RPS6KC1: variants seen among roughly 807,000 people sequenced by gnomAD.
RPS6KC1 encodes ribosomal protein S6 kinase C1, also known as inactive ribosomal protein S6 kinase delta-1.
RPS6KC1 carries 54 observed loss-of-function variants against 103.8 expected under a neutral mutation model. That is an observed-to-expected ratio of 0.52 (90% confidence interval 0.42 to 0.65). RPS6KC1 has a LOEUF of 0.65. Among genes scored for constraint, RPS6KC1 ranks in the 30% least tolerant of loss-of-function variants. The pLI is 0.00. For missense variants in RPS6KC1, 1,151 were observed against 1,253.8 expected, an observed-to-expected ratio of 0.92 and a Z score of 1.24; for synonymous variants, 439 against 438.7, an observed-to-expected ratio of 1.00 and a Z score of -0.01.
chr1:213,822,643 T>C, the RPS6KC1 span, among the ~76,000 whole-genome samples: 1 of 152,274 alleles, frequency 6.6e-6, no homozygotes, highest in Admixed American at 6.5e-5. Context: ...GCCAAGTTTG[T>C]TCCTCTCCCA....
At chr1:213,668,129 G>A in the RPS6KC1 span, among the ~76,000 whole-genome samples, 1 of 152,152 alleles carries the variant, frequency 6.6e-6, no homozygotes, top group Non-Finnish European at 1.5e-5. Flanking sequence ...GTCCTTAATG[G>A]CATCTAACAT....
At chr1:213,647,255 T>C in the RPS6KC1 span, among the ~76,000 whole-genome samples, 1 of 152,164 alleles carries the variant, frequency 6.6e-6, no homozygotes, top group Non-Finnish European at 1.5e-5. Flanking sequence ...GAGGTTGACT[T>C]TACTTACTTA....
At chr1:213,537,276 G>A in the RPS6KC1 span, among the ~76,000 whole-genome samples, 665 of 152,252 alleles carry the variant, frequency 4.4e-3, 2 homozygotes, top group Non-Finnish European at 6.8e-3. Context: ...ACATTTTCAG[G>A]TGGGAGTCTG....
intron 6 of RPS6KC1, among the ~76,000 whole-genome samples, chr1:213,144,826 C>T (rs1481720877): frequency 1.3e-5 from 2 of 152,050 alleles, no homozygotes; most frequent in South Asian, 4.2e-4. Context: ...CCTGTAATCC[C>T]AGAATTTTGG....
At chr1:213,276,426 C>G (rs576526132), downstream of RPS6KC1, among the ~76,000 whole-genome samples, 77 of 152,268 alleles carry the variant, frequency 5.1e-4, 1 homozygote, top group African/African-American at 1.8e-3. Flanking sequence ...TGCAATAATG[C>G]AAAGTCTAGA....
chr1:213,703,399 G>T, the RPS6KC1 span, among the ~76,000 whole-genome samples: 1 of 152,114 alleles, frequency 6.6e-6, no homozygotes, highest in African/African-American at 2.4e-5. Context: ...CACAGTTACA[G>T]TGTTATAACA....
the RPS6KC1 span, among the ~76,000 whole-genome samples, chr1:213,629,174 AC>A: frequency 6.6e-6 from 1 of 152,072 alleles, no homozygotes; most frequent in South Asian, 2.1e-4. Context: ...TCTAATGTTG[AC>A]AGTGGGGTGT....
chr1:213,415,416 G>C, the RPS6KC1 span, among the ~76,000 whole-genome samples: 1 of 152,308 alleles, frequency 6.6e-6, no homozygotes, highest in African/African-American at 2.4e-5. Flanking sequence ...CCTCATTCTT[G>C]GAGCAAAGAG....
At chr1:213,421,187 C>T in the RPS6KC1 span, among the ~76,000 whole-genome samples, 10 of 151,444 alleles carry the variant, frequency 6.6e-5, no homozygotes, top group African/African-American at 1.7e-4. Flanking sequence ...TCGGCTCACA[C>T]TGTAACCTCT....
At chr1:213,718,113 T>C in the RPS6KC1 span, among the ~76,000 whole-genome samples, 1 of 152,248 alleles carries the variant, frequency 6.6e-6, no homozygotes, top group Non-Finnish European at 1.5e-5. Flanking sequence ...CCACTGACCT[T>C]CAACAAGCTG....
At chr1:213,246,062 A>G (rs2094449877) in intron 12 of RPS6KC1, among the ~76,000 whole-genome samples, 3 of 152,178 alleles carry the variant, frequency 2.0e-5, no homozygotes. Flanking sequence ...TTCTCTGGCT[A>G]CATCTGTGAA....
chr1:213,861,271 G>A, the RPS6KC1 span, among the ~76,000 whole-genome samples: 1 of 152,082 alleles, frequency 6.6e-6, no homozygotes, highest in Non-Finnish European at 1.5e-5. Flanking sequence ...AAACAGGAGT[G>A]GTTCAACCTT....
At chr1:213,445,793 GC>G in the RPS6KC1 span, among the ~76,000 whole-genome samples, 5 of 152,188 alleles carry the variant, frequency 3.3e-5, no homozygotes, top group Non-Finnish European at 7.3e-5. Flanking sequence ...TTTGCTGCAG[GC>G]TGACTGCTAA....
the RPS6KC1 span, among the ~76,000 whole-genome samples, chr1:213,446,907 A>C: frequency 6.6e-6 from 1 of 152,218 alleles, no homozygotes; most frequent in Non-Finnish European, 1.5e-5. Flanking sequence ...GCAGAATTTA[A>C]ACTATGCAAA....
the RPS6KC1 span, among the ~76,000 whole-genome samples, chr1:213,524,456 C>A: frequency 6.6e-6 from 1 of 151,868 alleles, no homozygotes; most frequent in Admixed American, 6.6e-5. Flanking sequence ...GATCGACTAG[C>A]TTCACTTCTG....
At chr1:213,059,962 C>T (rs752182708) in intron 1 of RPS6KC1, among the ~76,000 whole-genome samples, 1 of 152,136 alleles carries the variant, frequency 6.6e-6, no homozygotes, top group African/African-American at 2.4e-5. Context: ...TGAGCCACTG[C>T]GCCTGGCCAC....
chr1:213,776,672 A>G, the RPS6KC1 span, among the ~76,000 whole-genome samples: 2 of 152,224 alleles, frequency 1.3e-5, no homozygotes, highest in Non-Finnish European at 2.9e-5. Context: ...CACTTAAGTC[A>G]CCAGCTCCAT....
the RPS6KC1 span, among the ~76,000 whole-genome samples, chr1:213,533,285 G>C: frequency 1.3e-5 from 2 of 152,156 alleles, no homozygotes; most frequent in South Asian, 2.1e-4. Context: ...TGACTGACTT[G>C]GACAGAGGGA....
chr1:213,724,138 A>G, the RPS6KC1 span, among the ~76,000 whole-genome samples: 67 of 152,208 alleles, frequency 4.4e-4, no homozygotes, highest in Non-Finnish European at 8.7e-4. Flanking sequence ...CCCAGGCTGG[A>G]GTGCAGTGGT....
Sources: allele counts gnomAD v4.1 joint callset (sites outside exome capture counted in the v4.1 genomes callset), GRCh38; gene constraint gnomAD v4.1.1; transcripts MANE v1.5; gene names NCBI Gene and HGNC (gene_info 2026-07-23, HGNC 2026-07-21).